The following ULK2 variants were observed in gnomAD, a reference collection of about 807,000 sequenced individuals.
The protein encoded by ULK2 is serine/threonine-protein kinase ULK2.
Under a neutral mutation model 127.5 loss-of-function variants are expected in ULK2, and 76 were observed. The ratio of observed to expected loss-of-function variants is 0.60; its 90% CI spans 0.50 to 0.72. The LOEUF is 0.72. ULK2 is among the 30% of genes least tolerant of loss of function. The probability of loss-of-function intolerance (pLI) is 0.00; values close to 1 mark genes in which losing one functional copy is unlikely to be tolerated. For missense variants in ULK2, 1,144 were observed against 1,295.9 expected, an observed-to-expected ratio of 0.88 and a Z score of 1.80; for synonymous variants, 452 against 461.9, an observed-to-expected ratio of 0.98 and a Z score of 0.28.
chr17:19,814,297 C>T (rs779693959), intron 13 of ULK2, among the ~76,000 whole-genome samples: 41 of 150,150 alleles, frequency 2.7e-4, no homozygotes, highest in Non-Finnish European at 5.0e-4. Flanking sequence ...GGCAGCATGA[C>T]AGAGAATATT....
At chr17:19,861,731 C>G (rs2042247334) in intron 3 of ULK2, among the ~76,000 whole-genome samples, 1 of 152,198 alleles carries the variant, frequency 6.6e-6, no homozygotes. Context: ...ACAAACTACA[C>G]AAACAGCAGT....
chr17:19,826,100 T>A (rs967470635), intron 11 of ULK2, 39 bp downstream of exon 11: 2 of 1,276,250 alleles, frequency 1.6e-6, no homozygotes, highest in Non-Finnish European at 2.1e-6. Flanking sequence ...AAAGCTTGCA[T>A]TCATTCTTTA....
Position 19,816,729 on chromosome 17 carries a change from C to T in ULK2, c.1096+20G>A, listed in dbSNP as rs1203696951. 2 of 1,544,992 alleles carry T rather than the reference C, an allele frequency of 1.3e-6. No homozygotes were observed. The highest frequency in any genetic ancestry group is 1.7e-4 in the Middle Eastern group (1 of 5,830). ...AGTAGATTAAGAAATACAATGTGTA[C>T]AAGTAGAAAAGATTCTCACATGAGT... On this transcript the variant is annotated intron_variant, in intron 13 of 26. Transcript: ENST00000395544.
At chr17:19,825,307 T>G in intron 11 of ULK2, 125 bp from the exon 12 acceptor site, 1 of 696,686 alleles carries the variant, frequency 1.4e-6, no homozygotes, top group Non-Finnish European at 2.4e-6. Flanking sequence ...TACCTATTTA[T>G]TACCACATCT....
At chr17:19,842,949 A>G (rs1230028727) in intron 8 of ULK2, among the ~76,000 whole-genome samples, 172 bp downstream of exon 8, 1 of 152,200 alleles carries the variant, frequency 6.6e-6, no homozygotes, top group Non-Finnish European at 1.5e-5. Flanking sequence ...AAAAGGGGAA[A>G]ACCAAAAGAC....
At position 19,780,560 on chromosome 17, in the gene ULK2, T is replaced by TTCAGCTTTTCTGTAAGTTTCTTGTTCTTC; in HGVS notation, c.2827_2828insGAAGAACAAGAAACTTACAGAAAAGCTGA (p.Asn943ArgfsTer10). The TTCAGCTTTTCTGTAAGTTTCTTGTTCTTC allele has an allele frequency of 6.2e-7, 1 of 1,614,024 alleles. No individual in the cohort carries two copies. The highest frequency in any genetic ancestry group is 8.5e-7 in the Non-Finnish European group (1 of 1,179,966). On this transcript the variant is annotated stop_gained and frameshift_variant, in exon 25 of 27. Coordinates refer to ENST00000395544, the MANE Select transcript of ULK2 (RefSeq NM_014683.4). LOFTEE classifies it high-confidence loss of function. The stretch of plus-strand genomic sequence containing the variant: ...CCTCTGTTTGTCAGAGAAGAATCGA[T>TTCAGCTTTTCTGTAAGTTTCTTGTTCTTC]TCAGCTTTTCTGTAAGTTTCTTGCA...
chr17:19,826,831 C>A (rs2041308808), intron 10 of ULK2, among the ~76,000 whole-genome samples: 1 of 152,116 alleles, frequency 6.6e-6, no homozygotes, highest in South Asian at 2.1e-4. Context: ...GCGGCCGGCG[C>A]CTGTAGTCCC....
rs1159956245 is a variant in ULK2, at chr17:19,838,492, A to G, written c.787+9T>C. 6.2e-7 allele frequency: 1 copy of G among 1,602,994 alleles called. No homozygotes were observed. Among genetic ancestry groups the G allele is most frequent in the Non-Finnish European group, 8.5e-7 (1 of 1,175,290 alleles). ...TAGAAAACATGCAAAAGTTAAAACT[A>G]TTTCTTACCAAAGTCCATTCTATCT... is the stretch of plus-strand genomic sequence containing the variant. On this transcript the variant is annotated intron_variant, in intron 10 of 26. Coordinates refer to ENST00000395544, the MANE Select transcript of ULK2 (RefSeq NM_014683.4).
At chr17:19,804,662 G>T (rs934667516) in intron 15 of ULK2, 31 bp downstream of exon 15, 2 of 1,548,696 alleles carry the variant, frequency 1.3e-6, no homozygotes, top group African/African-American at 2.8e-5. Context: ...AGATGAAAAA[G>T]AATTAAGCAA....
intron 7 of ULK2, among the ~76,000 whole-genome samples, chr17:19,844,792 A>G (rs1430000164): frequency 6.6e-6 from 1 of 152,162 alleles, no homozygotes; most frequent in East Asian, 1.9e-4. Context: ...ACATTACATT[A>G]GAAGTTTCAT....
intron 21 of ULK2, among the ~76,000 whole-genome samples, chr17:19,784,250 TATA>T: frequency 6.6e-6 from 1 of 152,156 alleles, no homozygotes; most frequent in East Asian, 1.9e-4. Context: ...ATATATATTA[TATA>T]ATGTTTATCT....
chr17:19,822,240 T>C (rs123081), intron 12 of ULK2, among the ~76,000 whole-genome samples: 144,372 of 152,156 alleles, frequency 0.95, 68,643 homozygotes, highest in Non-Finnish European at 0.97. Flanking sequence ...CCCACCTTGG[T>C]CTCCCAAGGT....
At chr17:19,866,957 G>A (rs1057467327) in intron 1 of ULK2, among the ~76,000 whole-genome samples, 1 of 152,166 alleles carries the variant, frequency 6.6e-6, no homozygotes, top group Admixed American at 6.5e-5. Flanking sequence ...AAAGTGACCA[G>A]CCCTGGGCAC....
Position 19,846,906 on chromosome 17 carries a change from T to C in ULK2, c.300A>G (p.Lys100=). The part of the protein sequence containing the change: ...GGDLADYLQA[K]GTLSEDTIRV... ...TGATCGTGTCTTCACTGAGAGTCCC[T>C]TTCGCTGGTACAAAAGGAGTCACGT... Residue 100 remains lysine, a synonymous_variant, in exon 6 of 27, where the codon AAA becomes AAG. Coordinates refer to ENST00000395544, the MANE Select transcript of ULK2 (RefSeq NM_014683.4). The C allele has an allele frequency of 6.2e-7, 1 of 1,606,696 alleles. No homozygotes were observed. Among genetic ancestry groups the C allele is most frequent in the South Asian group, 1.1e-5 (1 of 89,210 alleles).
intron 3 of ULK2, among the ~76,000 whole-genome samples, chr17:19,854,458 C>T (rs895077908): frequency 1.5e-4 from 23 of 152,070 alleles, no homozygotes; most frequent in African/African-American, 5.3e-4. Flanking sequence ...TTGATTCTCA[C>T]CTAATCTGAC....
At chr17:19,802,660 G>A (rs1185283278) in intron 15 of ULK2, among the ~76,000 whole-genome samples, 1 of 152,112 alleles carries the variant, frequency 6.6e-6, no homozygotes, top group East Asian at 1.9e-4. Context: ...GGAATATTTT[G>A]GTAGCCTTTT....
At chr17:19,845,452 G>A (rs1199633167) in intron 6 of ULK2, 75 bp from the exon 7 acceptor site, 15 of 1,155,676 alleles carry the variant, frequency 1.3e-5, no homozygotes, top group Admixed American at 6.9e-5. Flanking sequence ...ATGATTCTTC[G>A]AGACACAAGA....
chr17:19,861,744 G>C (rs1328195141), intron 3 of ULK2, among the ~76,000 whole-genome samples: 1 of 152,192 alleles, frequency 6.6e-6, no homozygotes, highest in Non-Finnish European at 1.5e-5. Flanking sequence ...ACAGCAGTGA[G>C]GAGAACCAAC....
intron 10 of ULK2, among the ~76,000 whole-genome samples, chr17:19,836,043 G>C (rs528874126): frequency 4.7e-4 from 71 of 151,594 alleles, no homozygotes; most frequent in African/African-American, 1.7e-3. Context: ...AAGGCAGGTG[G>C]ATCACCTGAG....
Sources: gnomAD v4.1 joint callset for allele counts (sites outside exome capture counted in the v4.1 genomes callset) on GRCh38, gnomAD v4.1.1 for gene constraint, MANE v1.5 for transcripts, NCBI Gene and HGNC (gene_info 2026-07-23, HGNC 2026-07-21) for gene names.